CDH18: variants seen among roughly 807,000 people sequenced by gnomAD.
CDH18 encodes cadherin 18.
A neutral mutation model predicts 67.9 loss-of-function variants in CDH18; 31 were observed. That is an observed-to-expected ratio of 0.46 (90% CI 0.34 to 0.62). The LOEUF (loss-of-function observed/expected upper bound fraction) is 0.62, where lower values mean the gene tolerates loss of function less well. Among genes scored for constraint, CDH18 ranks in the 20% least tolerant of loss-of-function variants. The probability of loss-of-function intolerance (pLI) is 0.01; values close to 1 mark genes in which losing one functional copy is unlikely to be tolerated. For synonymous variants in CDH18, 362 were observed against 347.2 expected, an observed-to-expected ratio of 1.04 and a Z score of -0.48; for missense variants, 890 against 975.5, an observed-to-expected ratio of 0.91 and a Z score of 1.17.
chr5:20,392,808 T>C (rs1184114774), intron 1 of CDH18, among the ~76,000 whole-genome samples: 1 of 151,948 alleles, frequency 6.6e-6, no homozygotes, highest in Non-Finnish European at 1.5e-5. Flanking sequence ...CAATTGTAAG[T>C]CAGTGAACAT....
intron 2 of CDH18, among the ~76,000 whole-genome samples, chr5:19,951,402 T>C (rs759738325): frequency 4.2e-4 from 64 of 152,288 alleles, no homozygotes; most frequent in Middle Eastern, 3.4e-3. Flanking sequence ...GTATTTTCTC[T>C]AGTATTTTTT....
At chr5:19,571,144 A>T (rs1419724802) in intron 8 of CDH18, among the ~76,000 whole-genome samples, 1 of 152,218 alleles carries the variant, frequency 6.6e-6, no homozygotes, top group Non-Finnish European at 1.5e-5. Flanking sequence ...CCACTTTTAC[A>T]TATAAAGAGA....
intron 12 of CDH18, among the ~76,000 whole-genome samples, chr5:19,479,886 A>C (rs570583890): frequency 6.6e-6 from 1 of 152,328 alleles, no homozygotes; most frequent in African/African-American, 2.4e-5. Context: ...GAGGGATATA[A>C]TAAAATTTAC....
intron 2 of CDH18, among the ~76,000 whole-genome samples, chr5:20,200,581 T>G (rs1580463100): frequency 1.3e-5 from 2 of 151,906 alleles, no homozygotes; most frequent in African/African-American, 4.8e-5. Context: ...GAGGCTGAGG[T>G]AAAGGATAGC....
chr5:20,417,544 C>A (rs1411138512), intron 1 of CDH18, among the ~76,000 whole-genome samples: 1 of 151,838 alleles, frequency 6.6e-6, no homozygotes, highest in East Asian at 1.9e-4. Flanking sequence ...ATGGTGAAAC[C>A]CCATTTTGGT....
At chr5:20,460,432 TAAATAAATA>T (rs1404200411) in intron 1 of CDH18, among the ~76,000 whole-genome samples, 2 of 140,920 alleles carry the variant, frequency 1.4e-5, no homozygotes, top group African/African-American at 6.0e-5. Flanking sequence ...AATAAATAAA[TAAATAAATA>T]AAATATGTTG....
chr5:20,065,191 G>A (rs944754800), intron 2 of CDH18, among the ~76,000 whole-genome samples: 29 of 151,644 alleles, frequency 1.9e-4, no homozygotes, highest in African/African-American at 7.0e-4. Flanking sequence ...TAAAAAAATG[G>A]CTCTCGTGAG....
At chr5:20,092,457 T>C (rs1220866624) in intron 2 of CDH18, among the ~76,000 whole-genome samples, 2 of 152,052 alleles carry the variant, frequency 1.3e-5, no homozygotes, top group African/African-American at 2.4e-5. Context: ...AAAGAGAAAA[T>C]GTTTTGAATT....
intron 2 of CDH18, among the ~76,000 whole-genome samples, chr5:19,950,839 T>C (rs1025419269): frequency 5.9e-5 from 9 of 152,192 alleles, no homozygotes; most frequent in African/African-American, 2.2e-4. Context: ...AATATGAAGC[T>C]TAAAAGTGTT....
chr5:20,574,684 A>T (rs911432025), intron 1 of CDH18, among the ~76,000 whole-genome samples: 29 of 152,090 alleles, frequency 1.9e-4, no homozygotes, highest in African/African-American at 7.0e-4. Context: ...ATATCATTTT[A>T]AAAAACTCTA....
chr5:20,406,781 C>T (rs1233185169), intron 1 of CDH18, among the ~76,000 whole-genome samples: 1 of 152,116 alleles, frequency 6.6e-6, no homozygotes, highest in Non-Finnish European at 1.5e-5. Flanking sequence ...AGCTCTTCTT[C>T]CCATAGACAC....
At chr5:19,835,891 A>G (rs1781565996) in intron 3 of CDH18, among the ~76,000 whole-genome samples, 1 of 152,146 alleles carries the variant, frequency 6.6e-6, no homozygotes, top group Non-Finnish European at 1.5e-5. Context: ...CAGAACCGCC[A>G]CAAACCTGAA....
chr5:20,170,521 T>A (rs2126643888), intron 2 of CDH18, among the ~76,000 whole-genome samples: 1 of 152,178 alleles, frequency 6.6e-6, no homozygotes, highest in South Asian at 2.1e-4. Flanking sequence ...ATATGTAAAA[T>A]ATATGTATTT....
At chr5:20,557,348 A>G in intron 1 of CDH18, among the ~76,000 whole-genome samples, 1 of 152,182 alleles carries the variant, frequency 6.6e-6, no homozygotes, top group East Asian at 1.9e-4. Context: ...ATATGGTTAC[A>G]TGAAAACATG....
chr5:19,956,892 C>T (rs1796308849), intron 2 of CDH18, among the ~76,000 whole-genome samples: 2 of 151,954 alleles, frequency 1.3e-5, no homozygotes, highest in Admixed American at 6.6e-5. Context: ...AAACTGTGAA[C>T]TAAGAGTACC....
chr5:20,504,777 T>C (rs1754555801), intron 1 of CDH18, among the ~76,000 whole-genome samples: 1 of 143,928 alleles, frequency 6.9e-6, no homozygotes, highest in Admixed American at 7.0e-5. Flanking sequence ...TTTTTTTTTT[T>C]TTTTTTTTGA....
intron 5 of CDH18, among the ~76,000 whole-genome samples, chr5:19,654,609 A>T (rs1756072605): frequency 6.6e-6 from 1 of 152,150 alleles, no homozygotes; most frequent in Non-Finnish European, 1.5e-5. Flanking sequence ...CTGAAGCTCC[A>T]GTGGGCATGC....
rs10062919 is a variant in CDH18 at position 19,960,557 on chromosome 5, G to A, written c.-257+20503C>T. 6.0e-4 allele frequency among the ~76,000 whole-genome samples: 54 copies of A among 89,714 alleles called. 1 individual carries two copies. Among genetic ancestry groups the A allele is most frequent in the African/African-American group, 2.7e-3 (53 of 19,294 alleles). 58.9% of individuals were successfully genotyped at this position (89,714 alleles called of 152,430 possible). A position where few individuals can be genotyped will look rare whatever the true frequency, so the allele number is the denominator to read the frequency against. On this transcript the variant is annotated intron_variant, in intron 2 of 12. Coordinates refer to ENST00000382275, the MANE Select transcript of CDH18 (RefSeq NM_004934.5). ...GGATGTTTAATATACGTGTGTGTGTGTGTATGTGTGTGTGTGTGTGTGTGT... is the reference window on the plus strand; with the variant it reads ...GGATGTTTAATATACGTGTGTGTGTATGTATGTGTGTGTGTGTGTGTGTGT...
chr5:20,365,212 C>T (rs1010736370), intron 1 of CDH18, among the ~76,000 whole-genome samples: 4 of 152,138 alleles, frequency 2.6e-5, no homozygotes. Flanking sequence ...TGGCTGTGTG[C>T]TGTGTGTTCC....
Sources: allele counts gnomAD v4.1 joint callset (sites outside exome capture counted in the v4.1 genomes callset), GRCh38; gene constraint gnomAD v4.1.1; transcripts MANE v1.5; gene names NCBI Gene and HGNC (gene_info 2026-07-23, HGNC 2026-07-21).